The following NPM2 variants were observed in gnomAD, a reference collection of about 807,000 sequenced individuals.
NPM2 encodes the protein nucleoplasmin-2.
In NPM2, 25 loss-of-function variants were observed where a neutral mutation model predicts 32.0. That is an observed-to-expected ratio of 0.78 (90% CI 0.57 to 1.09). The LOEUF (loss-of-function observed/expected upper bound fraction) is 1.09. Among genes scored for constraint, NPM2 ranks in the 50% least tolerant of loss-of-function variants. The pLI, the probability that NPM2 is intolerant of heterozygous loss-of-function variation, is 0.00. For synonymous variants in NPM2, 111 were observed against 94.2 expected, an observed-to-expected ratio of 1.18 and a Z score of -1.04; for missense variants, 282 against 259.9, an observed-to-expected ratio of 1.08 and a Z score of -0.58.
intron 8 of NPM2, among the ~76,000 whole-genome samples, chr8:22,035,374 A>G (rs538033522): frequency 6.6e-6 from 1 of 152,316 alleles, no homozygotes; most frequent in South Asian, 2.1e-4. Context: ...CCTGGGCTCA[A>G]GCAATCCTCC....
At chr8:22,025,353 G>T in intron 3 of NPM2, 47 bp downstream of exon 3, 8 of 1,600,990 alleles carry the variant, frequency 5.0e-6, no homozygotes, top group Non-Finnish European at 6.8e-6. Flanking sequence ...CCCACCTCCG[G>T]TGCGCGGCAG....
intron 5 of NPM2, among the ~76,000 whole-genome samples, chr8:22,031,492 C>G (rs945272115): frequency 6.6e-6 from 1 of 152,240 alleles, no homozygotes; most frequent in East Asian, 1.9e-4. Flanking sequence ...GTCGCCCAGG[C>G]TGGCACGCAG....
rs1800557479 is a variant in NPM2 at position 22,034,563 on chromosome 8, TA to T, written c.566+22del. ...AAATAAGGTAACTCTTTCTACCTAT[TA>T]AATTAGCCAAAGTCTCCAGCTGAGA... On this transcript the variant is annotated intron_variant, in intron 8 of 9. Transcript: ENST00000518119. 6.3e-7 allele frequency: 1 copy of T among 1,594,368 alleles called. No homozygotes were observed.
intron 5 of NPM2, among the ~76,000 whole-genome samples, chr8:22,031,182 C>T (rs147547912): frequency 3.3e-5 from 5 of 152,170 alleles, no homozygotes; most frequent in East Asian, 3.9e-4. Context: ...GGTATGGGCT[C>T]TCACTGGAGA....
At chr8:22,025,051 T>G in intron 2 of NPM2, 165 bp from the exon 3 acceptor site, 1 of 572,032 alleles carries the variant, frequency 1.7e-6, no homozygotes, top group Non-Finnish European at 3.0e-6. Context: ...CGCTAGGAGG[T>G]GGGTACTCGT....
Position 22,030,803 on chromosome 8 carries a change from C to G in NPM2, c.271-2327C>G, listed in dbSNP as rs568397521. ...CAAGCGATCTTCCGGCCTCAGCCCC[C>G]CCGAGTAGCCTGGGCTACAGGCGTG... is the stretch of plus-strand genomic sequence containing the variant. On this transcript the variant is annotated intron_variant, in intron 5 of 9. Transcript: ENST00000518119. Among the ~76,000 whole-genome samples the G allele has an allele frequency of 7.9e-5, 12 of 152,228 alleles. No individual in the cohort carries two copies. The South Asian group carries it at 1.0e-3, about 13-fold the overall frequency.
chr8:22,033,988 A>G (rs1761680371), intron 6 of NPM2, 121 bp from the exon 7 acceptor site: 1 of 1,441,100 alleles, frequency 6.9e-7, no homozygotes, highest in Non-Finnish European at 9.2e-7. Context: ...ACCACTGTCA[A>G]CTCCAGGCTA....
At chr8:22,028,746 C>G (rs1047579903) in intron 5 of NPM2, among the ~76,000 whole-genome samples, 1 of 152,132 alleles carries the variant, frequency 6.6e-6, no homozygotes, top group Non-Finnish European at 1.5e-5. Flanking sequence ...TGCTTCGAAG[C>G]CTTTGTGTTC....
At position 22,036,801 on chromosome 8, in the gene NPM2, G is replaced by A; in HGVS notation, c.*119G>A. The A allele has an allele frequency of 9.9e-7, 1 of 1,009,622 alleles. No individual in the cohort carries two copies. 62.5% of individuals were successfully genotyped at this position (1,009,622 alleles called of 1,614,324 possible). ...CTGAATGCAACAGGGGTGTTGCGGGGGCAACATGAGAGCCCCTCACCCCCA... is the reference window on the plus strand; with the variant it reads ...CTGAATGCAACAGGGGTGTTGCGGGAGCAACATGAGAGCCCCTCACCCCCA... On this transcript the variant is annotated 3_prime_UTR_variant, in exon 10 of 10. Coordinates refer to ENST00000518119, the MANE Select transcript of NPM2 (RefSeq NM_001286680.2).
intron 5 of NPM2, among the ~76,000 whole-genome samples, chr8:22,031,498 C>T (rs559851034): frequency 6.3e-4 from 96 of 152,304 alleles, no homozygotes; most frequent in African/African-American, 1.9e-3. Flanking sequence ...CAGGCTGGCA[C>T]GCAGTGGCGC....
At chr8:22,026,453 C>A (rs896010066) in intron 5 of NPM2, among the ~76,000 whole-genome samples, 1 of 114,048 alleles carries the variant, frequency 8.8e-6, no homozygotes, top group African/African-American at 3.5e-5. Flanking sequence ...GCAGTTCTTG[C>A]CTTTTTTTTT....
At chr8:22,027,569 A>C (rs1321149093) in intron 5 of NPM2, among the ~76,000 whole-genome samples, 3 of 151,822 alleles carry the variant, frequency 2.0e-5, no homozygotes, top group South Asian at 4.2e-4. Flanking sequence ...TCTCTCAGAA[A>C]ACAGCTGTTT....
At chr8:22,033,066 AG>A in intron 5 of NPM2, 63 bp from the exon 6 acceptor site, 2 of 1,181,644 alleles carry the variant, frequency 1.7e-6, no homozygotes, top group Non-Finnish European at 2.5e-6. Context: ...TTTCTGCCTG[AG>A]GCTAGTCCCC....
chr8:22,035,942 A>G (rs1216862845), intron 8 of NPM2, among the ~76,000 whole-genome samples: 1 of 152,030 alleles, frequency 6.6e-6, no homozygotes, highest in African/African-American at 2.4e-5. Flanking sequence ...CAAAAAAAAA[A>G]AAAAAAGTTT....
At chr8:22,024,969 C>T (rs1036020326) in intron 2 of NPM2, 139 bp downstream of exon 2, 12 of 466,894 alleles carry the variant, frequency 2.6e-5, no homozygotes, top group Non-Finnish European at 3.0e-5. Context: ...AGCCTGAGCT[C>T]GGTGGACAGC....
In NPM2 at chr8:22,027,700, A is replaced by C. The variant is rs1800301644; in HGVS notation, c.270+1928A>C. ...CGGCTCACTGCAACCTCCGCATCCC[A>C]TGTTCGAGTGATTCTCCCATCTCAG... is the stretch of plus-strand genomic sequence containing the variant. On this transcript the variant is annotated intron_variant, in intron 5 of 9. Transcript: ENST00000518119. Among the ~76,000 whole-genome samples, 4 of 150,398 alleles carry C rather than the reference A, an allele frequency of 2.7e-5. No individual in the cohort carries two copies. In the South Asian group the frequency reaches 8.4e-4, roughly 32 times the overall value.
In NPM2 at chr8:22,028,341, A is replaced by AT. The variant is rs36012479; in HGVS notation, c.270+2596dup. Reference sequence around the variant, plus strand: ...TGTGCTCCACACAGCTGCCAAAAAGATTTTTTTTTTTTTTTTTTTTTTTTT... The same window carrying AT: ...TGTGCTCCACACAGCTGCCAAAAAGATTTTTTTTTTTTTTTTTTTTTTTTTT... On this transcript the variant is annotated intron_variant, in intron 5 of 9. Transcript: ENST00000518119. Among the ~76,000 whole-genome samples the AT allele has an allele frequency of 6.3e-3, 415 of 65,566 alleles. 13 individuals carry two copies. The highest frequency in any genetic ancestry group is 9.2e-3 in the African/African-American group (157 of 17,098). 43.0% of individuals were successfully genotyped at this position (65,566 alleles called of 152,430 possible). A position where few individuals can be genotyped will look rare whatever the true frequency, so the allele number is the denominator to read the frequency against.
chr8:22,025,731 C>G lies in NPM2; in HGVS notation c.229C>G (p.Pro77Ala), dbSNP rs1292684145. 8 of 1,614,124 alleles carry G rather than the reference C, an allele frequency of 5.0e-6. No individual in the cohort carries two copies. Among genetic ancestry groups the G allele is most frequent in the Non-Finnish European group, 6.8e-6 (8 of 1,180,008 alleles). Reference sequence around the variant, plus strand: ...AAACCAGGAGGACAAGAAGATGCAGCCGGTCACCATTGCCTCACTCCAGGC... The same window carrying G: ...AAACCAGGAGGACAAGAAGATGCAGGCGGTCACCATTGCCTCACTCCAGGC... ...PANQEDKKMQ[P>A]VTIASLQASV... The change falls in exon 5 of 10, where the codon CCG becomes GCG. Residue 77 changes from proline to alanine, a missense_variant. Transcript: ENST00000518119.
rs778184465 is a variant in NPM2 at position 22,034,598 on chromosome 8, G to A, written c.566+54G>A. 143 of 1,408,922 alleles carry A rather than the reference G, an allele frequency of 1.0e-4. No homozygotes were observed. In the Middle Eastern group the frequency reaches 1.2e-3, roughly 12 times the overall value. The allele number at this position is 1,408,922 out of a possible 1,614,324, so 87.3% of individuals were successfully genotyped here. On this transcript the variant is annotated intron_variant, in intron 8 of 9. Transcript: ENST00000518119. ...AAAGTCTCCAGCTGAGATATACAGT[G>A]TTAGAAAGAATACTGTGCTGTTGGG...
Sources: gnomAD v4.1 joint callset for allele counts (sites outside exome capture counted in the v4.1 genomes callset) on GRCh38, gnomAD v4.1.1 for gene constraint, MANE v1.5 for transcripts, NCBI Gene and HGNC (gene_info 2026-07-23, HGNC 2026-07-21) for gene names.